The following CSMD2 variants were observed in gnomAD, a reference collection of about 807,000 sequenced individuals.
CSMD2 encodes the protein CUB and sushi domain-containing protein 2.
In CSMD2, 130 loss-of-function variants were observed where a neutral mutation model predicts 398.5. The observed-to-expected ratio is 0.33, with a 90% CI of 0.28 to 0.38. The LOEUF (loss-of-function observed/expected upper bound fraction) is 0.38. Among genes scored for constraint, CSMD2 ranks in the 10% least tolerant of loss-of-function variants. CSMD2 has a pLI of 1.00. For synonymous variants in CSMD2, 1,828 were observed against 1,908.5 expected (o/e 0.96, Z 1.10); for missense variants, 3,829 against 4,764.9 (o/e 0.80, Z 5.78).
chr1:34,078,271 A>C (rs1250906963), intron 2 of CSMD2, among the ~76,000 whole-genome samples: 7 of 152,100 alleles, frequency 4.6e-5, no homozygotes, highest in Admixed American at 4.6e-4. Context: ...TCATGGGATC[A>C]GTAATGCCAT....
chr1:33,662,862 G>T, intron 26 of CSMD2, 28 bp downstream of exon 26: 1 of 1,607,382 alleles, frequency 6.2e-7, no homozygotes, highest in Non-Finnish European at 8.5e-7. Flanking sequence ...GACATGTGGA[G>T]TGGGGCTGGC....
intron 5 of CSMD2, among the ~76,000 whole-genome samples, chr1:33,856,869 G>T (rs974999234): frequency 2.0e-5 from 3 of 151,894 alleles, no homozygotes; most frequent in Non-Finnish European, 4.4e-5. Flanking sequence ...ACTTCTCTGA[G>T]CCCTTCTTTC....
rs529407482 is a variant in CSMD2 at position 33,600,308 on chromosome 1, T to C, written c.6856+557A>G. On this transcript the variant is annotated intron_variant, in intron 44 of 70. Coordinates refer to ENST00000373381, the MANE Select transcript of CSMD2 (RefSeq NM_001281956.2). Reference sequence around the variant, plus strand: ...AAGTCCACAGAGAACATTCTATAAGTTTCTCTAGGCAATTCCACTATAATA... The same window carrying C: ...AAGTCCACAGAGAACATTCTATAAGCTTCTCTAGGCAATTCCACTATAATA... 7.2e-5 allele frequency: 44 copies of C among 607,162 alleles called. No individual in the cohort carries two copies. The East Asian group carries it at 1.2e-3, about 16-fold the overall frequency. 37.6% of individuals were successfully genotyped at this position (607,162 alleles called of 1,614,324 possible).
intron 5 of CSMD2, among the ~76,000 whole-genome samples, chr1:33,859,861 A>G (rs1286345549): frequency 6.6e-6 from 1 of 152,218 alleles, no homozygotes; most frequent in Non-Finnish European, 1.5e-5. Flanking sequence ...GCTGTAATTG[A>G]GGGTAAAATC....
At chr1:33,781,830 C>T (rs1186065668) in intron 12 of CSMD2, among the ~76,000 whole-genome samples, 1 of 152,152 alleles carries the variant, frequency 6.6e-6, no homozygotes, top group Non-Finnish European at 1.5e-5. Context: ...CACAGCTGGT[C>T]GCCCCCATGG....
At chr1:33,942,491 G>A (rs1297734640) in intron 3 of CSMD2, among the ~76,000 whole-genome samples, 1 of 152,246 alleles carries the variant, frequency 6.6e-6, no homozygotes, top group Non-Finnish European at 1.5e-5. Flanking sequence ...CTAGTCAGAG[G>A]GCCCCGCCCT....
intron 3 of CSMD2, among the ~76,000 whole-genome samples, chr1:34,003,428 C>T (rs1045671695): frequency 3.3e-5 from 5 of 152,126 alleles, no homozygotes; most frequent in African/African-American, 1.2e-4. Flanking sequence ...AAATAATCCC[C>T]ATTACACAAG....
At chr1:33,610,556 G>A (rs1199165852) in intron 41 of CSMD2, among the ~76,000 whole-genome samples, 1 of 152,222 alleles carries the variant, frequency 6.6e-6, no homozygotes, top group African/African-American at 2.4e-5. Flanking sequence ...GGTGAGTGTG[G>A]TTGGGCCTCA....
At chr1:34,037,907 A>T (rs1290394840) in intron 2 of CSMD2, among the ~76,000 whole-genome samples, 1 of 152,222 alleles carries the variant, frequency 6.6e-6, no homozygotes, top group Non-Finnish European at 1.5e-5. Context: ...CTGTCAACAA[A>T]CAATTACAGT....
At chr1:33,581,531 A>G (rs973946029) in intron 47 of CSMD2, among the ~76,000 whole-genome samples, 7 of 92,328 alleles carry the variant, frequency 7.6e-5, no homozygotes, top group African/African-American at 3.9e-4. Flanking sequence ...CTCAGTCTCA[A>G]AAAAAAAAAA....
intron 5 of CSMD2, among the ~76,000 whole-genome samples, chr1:33,857,124 G>A (rs1289373284): frequency 2.6e-5 from 4 of 151,892 alleles, no homozygotes; most frequent in African/African-American, 9.7e-5. Context: ...TCTCACTTTG[G>A]GCAAGTAACT....
intron 1 of CSMD2, among the ~76,000 whole-genome samples, chr1:34,106,168 A>C (rs1571140885): frequency 6.6e-6 from 1 of 152,052 alleles, no homozygotes; most frequent in East Asian, 1.9e-4. Flanking sequence ...TTCACAGTGG[A>C]TTGTAGGAGA....
At chr1:34,089,692 A>G (rs958603878) in intron 1 of CSMD2, among the ~76,000 whole-genome samples, 3 of 152,128 alleles carry the variant, frequency 2.0e-5, no homozygotes, top group Non-Finnish European at 4.4e-5. Flanking sequence ...CATTCCTGCT[A>G]CAGAGGAGCT....
chr1:33,755,272 G>T (rs921609350), intron 13 of CSMD2, among the ~76,000 whole-genome samples: 1 of 152,176 alleles, frequency 6.6e-6, no homozygotes, highest in Non-Finnish European at 1.5e-5. Context: ...CTGCTCAGAA[G>T]CTCAGTGTAT....
chr1:33,614,731 A>C, intron 39 of CSMD2, 111 bp from the exon 40 acceptor site: 1 of 633,942 alleles, frequency 1.6e-6, no homozygotes, highest in South Asian at 1.9e-5. Context: ...TTCATGAGTC[A>C]TATAGCCCCT....
chr1:33,658,012 C>T lies in CSMD2; in HGVS notation c.4381G>A (p.Ala1461Thr), dbSNP rs1644004609. 6.8e-6 allele frequency: 11 copies of T among 1,614,188 alleles called. No homozygotes were observed. The highest frequency in any genetic ancestry group is 1.6e-4 in the Middle Eastern group (1 of 6,062). Residue 1461 changes from alanine (A) to threonine (T), a missense_variant, in exon 27 of 71, where the codon GCA becomes ACA. Physicochemically the swap from Ala to Thr is moderately conservative, Grantham distance 58. Transcript: ENST00000373381. ...CDPGYALQGS[A>T]EISCVKIENR... ...TCGATCTTCACACAGCTGATCTCTG[C>T]ACTTCCCTGCAGCGCGTAGCCAGGG... is the stretch of plus-strand genomic sequence containing the variant.
intron 46 of CSMD2, 145 bp from the exon 47 acceptor site, chr1:33,583,975 G>A (rs1638899049): frequency 1.5e-6 from 1 of 655,586 alleles, no homozygotes; most frequent in South Asian, 1.9e-5. Context: ...CCATCACTGT[G>A]CTGCTCCATG....
intron 1 of CSMD2, among the ~76,000 whole-genome samples, chr1:34,128,759 C>T (rs1386780782): frequency 1.3e-5 from 2 of 152,170 alleles, no homozygotes; most frequent in African/African-American, 4.8e-5. Context: ...CACACAGAGC[C>T]TGAAGTGTAG....
At chr1:33,619,697 T>C (rs1641639846) in intron 37 of CSMD2, among the ~76,000 whole-genome samples, 1 of 152,222 alleles carries the variant, frequency 6.6e-6, no homozygotes, top group Admixed American at 6.5e-5. Context: ...CCTCACACTT[T>C]TCCCAGGCAA....
Sources: gnomAD v4.1 joint callset for allele counts (sites outside exome capture counted in the v4.1 genomes callset) on GRCh38, gnomAD v4.1.1 for gene constraint, MANE v1.5 for transcripts, NCBI Gene and HGNC (gene_info 2026-07-23, HGNC 2026-07-21) for gene names.